The following ARK2C variants were observed in gnomAD, a reference collection of about 807,000 sequenced individuals.
ARK2C encodes E3 ubiquitin-protein ligase ARK2C.
chr18:46,334,326 C>T, the ARK2C span: 2 of 1,585,352 alleles, frequency 1.3e-6, no homozygotes. This position sits in a 1 kb window ranked among gnomAD's most constrained non-coding sequence, Gnocchi z 4.4. Flanking sequence ...TGGCTCTGTG[C>T]GAAACAGAGG....
the ARK2C span, among the ~76,000 whole-genome samples, chr18:46,365,645 AG>A: frequency 6.6e-6 from 1 of 152,206 alleles, no homozygotes; most frequent in Non-Finnish European, 1.5e-5. Flanking sequence ...CTAGGATTAC[AG>A]GCACATGCCA....
the ARK2C span, among the ~76,000 whole-genome samples, chr18:46,419,941 C>T: frequency 2.0e-5 from 3 of 152,106 alleles, no homozygotes; most frequent in Non-Finnish European, 4.4e-5. Context: ...TGACGTCCAC[C>T]GTCTCTTTTT....
chr18:46,381,512 C>A, the ARK2C span, among the ~76,000 whole-genome samples: 1 of 152,138 alleles, frequency 6.6e-6, no homozygotes, highest in Non-Finnish European at 1.5e-5. Flanking sequence ...TCCAGAGAAG[C>A]CTCCTGGAGG....
At chr18:46,390,080 T>A in the ARK2C span, among the ~76,000 whole-genome samples, 3 of 152,190 alleles carry the variant, frequency 2.0e-5, no homozygotes, top group African/African-American at 7.2e-5. Flanking sequence ...CCCTGGGTCT[T>A]CAAAGCCACT....
chr18:46,448,042 G>C, the ARK2C span, among the ~76,000 whole-genome samples: 1 of 148,158 alleles, frequency 6.7e-6, no homozygotes, highest in African/African-American at 2.5e-5. Context: ...TAGCTCCCCT[G>C]TGTTCTCAAC....
the ARK2C span, among the ~76,000 whole-genome samples, chr18:46,374,905 C>T: frequency 6.6e-6 from 1 of 152,212 alleles, no homozygotes; most frequent in Non-Finnish European, 1.5e-5. Context: ...TTGAGTCTGA[C>T]ATTTGGTCTT....
chr18:46,348,127 T>C, the ARK2C span, among the ~76,000 whole-genome samples: 3 of 151,528 alleles, frequency 2.0e-5, no homozygotes, highest in Middle Eastern at 0.01. Context: ...GCGGCAGACA[T>C]CCTGGGGAGG....
At chr18:46,420,722 G>A in the ARK2C span, among the ~76,000 whole-genome samples, 1 of 152,090 alleles carries the variant, frequency 6.6e-6, no homozygotes. Context: ...GTGTGTGCCT[G>A]TAATCCCAGT....
At chr18:46,387,233 A>T in the ARK2C span, 40 of 152,298 alleles carry the variant, frequency 2.6e-4, no homozygotes, top group African/African-American at 9.4e-4. Context: ...AGGCATGCAT[A>T]AAAAAAGGCA....
the ARK2C span, among the ~76,000 whole-genome samples, chr18:46,414,471 C>T: frequency 6.6e-6 from 1 of 151,704 alleles, no homozygotes; most frequent in Non-Finnish European, 1.5e-5. Flanking sequence ...CATACATGTA[C>T]ACACACACAC....
the ARK2C span, among the ~76,000 whole-genome samples, chr18:46,426,873 A>G: frequency 2.9e-3 from 445 of 152,370 alleles, 4 homozygotes; most frequent in Admixed American, 4.0e-3. Context: ...TTGAAGGAGT[A>G]ACTCTAACAG....
chr18:46,348,900 CTGTGTGTGTG>C, the ARK2C span, among the ~76,000 whole-genome samples: 187 of 144,682 alleles, frequency 1.3e-3, 2 homozygotes, highest in South Asian at 2.3e-3. Context: ...CTCTCTCTTT[CTGTGTGTGTG>C]TGTGTGTGTG....
the ARK2C span, among the ~76,000 whole-genome samples, chr18:46,411,718 A>G: frequency 1.3e-5 from 2 of 152,196 alleles, no homozygotes; most frequent in South Asian, 2.1e-4. Context: ...TACTGAAGGA[A>G]TCTCAGATAT....
chr18:46,377,817 G>C, the ARK2C span, among the ~76,000 whole-genome samples: 1 of 152,188 alleles, frequency 6.6e-6, no homozygotes, highest in South Asian at 2.1e-4. Context: ...GGAGTGGGCA[G>C]AATCCATAAA....
the ARK2C span, among the ~76,000 whole-genome samples, chr18:46,406,018 CTG>C: frequency 9.6e-4 from 146 of 152,116 alleles, no homozygotes; most frequent in African/African-American, 3.4e-3. Flanking sequence ...ATACATACCC[CTG>C]TGTGTGTGTA....
At chr18:46,372,704 T>C in the ARK2C span, among the ~76,000 whole-genome samples, 2 of 152,236 alleles carry the variant, frequency 1.3e-5, no homozygotes, top group Non-Finnish European at 2.9e-5. Flanking sequence ...CTTCTCGGGC[T>C]CTGGCTAATA....
chr18:46,396,060 C>A, the ARK2C span, among the ~76,000 whole-genome samples: 1 of 152,196 alleles, frequency 6.6e-6, no homozygotes, highest in Non-Finnish European at 1.5e-5. Context: ...TCAGCTTGCT[C>A]ACATAGCAAA....
At chr18:46,376,652 C>A in the ARK2C span, among the ~76,000 whole-genome samples, 2 of 139,962 alleles carry the variant, frequency 1.4e-5, no homozygotes, top group South Asian at 2.3e-4. Flanking sequence ...TCAGCCAGCA[C>A]TGGTTAATAA....
At chr18:46,386,487 T>G in the ARK2C span, 1 of 152,290 alleles carries the variant, frequency 6.6e-6, no homozygotes, top group African/African-American at 2.4e-5. Flanking sequence ...TGGTAAGGAC[T>G]GGGGCCAGAA....
Sources: gnomAD v4.1 joint callset for allele counts (sites outside exome capture counted in the v4.1 genomes callset) on GRCh38, gnomAD v4.1.1 for gene constraint, Gnocchi (gnomAD v3.1) non-coding constraint, MANE v1.5 for transcripts, NCBI Gene and HGNC (gene_info 2026-07-23, HGNC 2026-07-21) for gene names.